Variants in C6orf141 observed in about 807,000 individuals in gnomAD.
C6orf141 encodes uncharacterized protein C6orf141.
For synonymous variants in C6orf141, 164 were observed against 140.5 expected (o/e 1.17, Z -1.18); for missense variants, 361 against 335.8 (o/e 1.07, Z -0.59).
intron 4 of C6orf141, among the ~76,000 whole-genome samples, chr6:49,557,745 CAT>C (rs1772251787): frequency 1.3e-5 from 2 of 152,178 alleles, no homozygotes; most frequent in African/African-American, 2.4e-5. Context: ...AATCAGCAAA[CAT>C]AGATGGCATA....
At chr6:49,551,207 C>T (rs768750130) in exon 1 of C6orf141, 2 of 1,551,574 alleles carry the variant, frequency 1.3e-6, no homozygotes, top group South Asian at 2.4e-5. Flanking sequence ...ACGACAAAAG[C>T]GAATTTCTGG....
chr6:49,559,401 T>G (rs1431330627), intron 4 of C6orf141, among the ~76,000 whole-genome samples: 1 of 151,862 alleles, frequency 6.6e-6, no homozygotes, highest in Non-Finnish European at 1.5e-5. Flanking sequence ...AGCTTTTTTC[T>G]GGAAGTGAAA....
intron 4 of C6orf141, among the ~76,000 whole-genome samples, chr6:49,559,968 T>A (rs1772950332): frequency 6.6e-6 from 1 of 152,140 alleles, no homozygotes; most frequent in South Asian, 2.1e-4. Context: ...AGTCTTTCTA[T>A]CCTAACTGGG....
intron 4 of C6orf141, chr6:49,560,759 C>A (rs1773153698): frequency 6.6e-6 from 1 of 152,410 alleles, no homozygotes; most frequent in Non-Finnish European, 1.5e-5. Context: ...GCCTCAGCCT[C>A]CCAAAGTGCT....
At chr6:49,555,960 A>T (rs1771848460), downstream of C6orf141, among the ~76,000 whole-genome samples, 1 of 152,220 alleles carries the variant, frequency 6.6e-6, no homozygotes, top group Non-Finnish European at 1.5e-5. Flanking sequence ...ATATATACAT[A>T]CATCTTTCTA....
downstream of C6orf141, among the ~76,000 whole-genome samples, chr6:49,555,868 C>T (rs1771828510): frequency 6.6e-6 from 1 of 152,218 alleles, no homozygotes. Flanking sequence ...GGCCTCCCAA[C>T]ATGCTGGGCT....
intron 4 of C6orf141, among the ~76,000 whole-genome samples, chr6:49,558,715 G>C (rs571531000): frequency 6.6e-6 from 1 of 150,446 alleles, no homozygotes; most frequent in Non-Finnish European, 1.5e-5. Context: ...TATTTTTTTT[G>C]GGGGGGGTGC....
chr6:49,561,824 A>G (rs1773348274), exon 5 of C6orf141: 2 of 151,928 alleles, frequency 1.3e-5, no homozygotes, highest in African/African-American at 2.4e-5. Flanking sequence ...AGCTGGAACT[A>G]TAGGCACAAG....
downstream of C6orf141, chr6:49,552,919 TC>T (rs1343365146): frequency 6.6e-6 from 1 of 152,252 alleles, no homozygotes. Flanking sequence ...TCCTAGGTTT[TC>T]TTTCTTTTTC....
chr6:49,554,862 G>A (rs1293155776), downstream of C6orf141: 1 of 152,156 alleles, frequency 6.6e-6, no homozygotes, highest in Non-Finnish European at 1.5e-5. Flanking sequence ...AAATACTGTT[G>A]AATTTGCTTC....
intron 4 of C6orf141, among the ~76,000 whole-genome samples, chr6:49,558,603 A>C (rs1772551191): frequency 6.6e-6 from 1 of 152,076 alleles, no homozygotes; most frequent in Admixed American, 6.6e-5. Context: ...GTGAATAAAA[A>C]ATTCTTAGAA....
chr6:49,559,589 G>C (rs2127321383), intron 4 of C6orf141, among the ~76,000 whole-genome samples: 1 of 152,088 alleles, frequency 6.6e-6, no homozygotes, highest in East Asian at 1.9e-4. Flanking sequence ...ACTTGTTCCT[G>C]GCCCAAACCC....
chr6:49,553,705 C>A (rs1474267959), downstream of C6orf141, among the ~76,000 whole-genome samples: 2 of 152,054 alleles, frequency 1.3e-5, no homozygotes, highest in African/African-American at 4.8e-5. Flanking sequence ...TGTCCTTGGG[C>A]AAGTTGCCTT....
intron 4 of C6orf141, among the ~76,000 whole-genome samples, chr6:49,558,069 T>TTTTG (rs1772379867): frequency 7.2e-6 from 1 of 138,056 alleles, no homozygotes; most frequent in African/African-American, 2.7e-5. Context: ...GTTTTTTTTT[T>TTTTG]TTTTTTTTTT....
At chr6:49,557,812 C>T (rs1772266343) in intron 4 of C6orf141, among the ~76,000 whole-genome samples, 2 of 152,064 alleles carry the variant, frequency 1.3e-5, no homozygotes, top group Admixed American at 6.6e-5. Context: ...CTCTAGCTCG[C>T]CTTAATGCTT....
chr6:49,555,513 C>CT (rs55766532), downstream of C6orf141, among the ~76,000 whole-genome samples: 18 of 132,594 alleles, frequency 1.4e-4, 1 homozygote, highest in Admixed American at 4.0e-4. Flanking sequence ...CCAGGCTAGT[C>CT]TTTTTTTTTT....
At position 49,551,855 on chromosome 6, in the gene C6orf141, C is replaced by G; in HGVS notation, c.*328C>G. On this transcript the variant is annotated 3_prime_UTR_variant, in exon 1 of 1. Coordinates refer to ENST00000529246, the MANE Select transcript of C6orf141 (RefSeq NM_001145652.2). The stretch of plus-strand genomic sequence containing the variant: ...CTCTCAATTGATCTCTTTTCTGTTC[C>G]CCGCCCCCCTCTTGTTTCTCTTTAG... 8.6e-7 allele frequency: 1 copy of G among 1,161,840 alleles called. No homozygotes were observed. The highest frequency in any genetic ancestry group is 1.1e-6 in the Non-Finnish European group (1 of 930,482). The allele number at this position is 1,161,840 out of a possible 1,614,324, so 72.0% of individuals were successfully genotyped here. A position where few individuals can be genotyped will look rare whatever the true frequency, so the allele number is the denominator to read the frequency against.
downstream of C6orf141, among the ~76,000 whole-genome samples, chr6:49,554,001 ACTCTT>A (rs1292503455): frequency 2.0e-5 from 3 of 151,862 alleles, no homozygotes; most frequent in African/African-American, 7.3e-5. Flanking sequence ...TTTTAATAAG[ACTCTT>A]CTCTACTCCT....
At chr6:49,554,142 G>T (rs903211236), downstream of C6orf141, among the ~76,000 whole-genome samples, 5 of 152,102 alleles carry the variant, frequency 3.3e-5, no homozygotes, top group African/African-American at 1.2e-4. Context: ...AAGGACTAAG[G>T]TACACTATCC....
Sources: allele counts gnomAD v4.1 joint callset (sites outside exome capture counted in the v4.1 genomes callset), GRCh38; gene constraint gnomAD v4.1.1; transcripts MANE v1.5; gene names NCBI Gene and HGNC (gene_info 2026-07-23, HGNC 2026-07-21).